Variants in ARMH3 observed in about 807,000 individuals in gnomAD.
ARMH3 encodes armadillo-like helical domain-containing protein 3.
ARMH3 carries 60 observed loss-of-function variants against 99.1 expected under a neutral mutation model. The observed-to-expected ratio is 0.61, with a 90% CI of 0.49 to 0.75. ARMH3 has a LOEUF of 0.75. ARMH3 is among the 30% of genes least tolerant of loss of function. ARMH3 has a pLI of 0.00. For synonymous variants in ARMH3, 285 were observed against 292.8 expected, an observed-to-expected ratio of 0.97 and a Z score of 0.27; for missense variants, 679 against 843.1, an observed-to-expected ratio of 0.81 and a Z score of 2.41.
rs979203994 is a variant in ARMH3, at chr10:101,847,232, G to A, written c.*296C>T. Reference sequence around the variant, plus strand: ...GAAAATTAGTCAGTAGCTACAGCTTGTAACCTCAAGATTGGAAATGTGAGG... The same window carrying A: ...GAAAATTAGTCAGTAGCTACAGCTTATAACCTCAAGATTGGAAATGTGAGG... On this transcript the variant is annotated 3_prime_UTR_variant, in exon 26 of 26. Coordinates refer to ENST00000370033, the MANE Select transcript of ARMH3 (RefSeq NM_024541.3). 2 of 333,900 alleles carry A rather than the reference G, an allele frequency of 6.0e-6. No individual in the cohort carries two copies. Among genetic ancestry groups the A allele is most frequent in the East Asian group, 6.3e-5 (1 of 15,760 alleles). 20.7% of individuals were successfully genotyped at this position (333,900 alleles called of 1,614,324 possible).
chr10:101,878,715 AT>A (rs1268713605), intron 24 of ARMH3, among the ~76,000 whole-genome samples: 1 of 151,786 alleles, frequency 6.6e-6, no homozygotes, highest in Non-Finnish European at 1.5e-5. Flanking sequence ...TAATTCCAGC[AT>A]TTTGAGAGGC....
chr10:101,885,290 A>G (rs2067513863), intron 24 of ARMH3, among the ~76,000 whole-genome samples: 1 of 152,262 alleles, frequency 6.6e-6, no homozygotes, highest in Admixed American at 6.5e-5. Flanking sequence ...GTATATACAC[A>G]AAAGAATTGA....
chr10:101,999,835 G>A (rs1234289597), intron 15 of ARMH3, among the ~76,000 whole-genome samples: 1 of 151,998 alleles, frequency 6.6e-6, no homozygotes, highest in Non-Finnish European at 1.5e-5. Context: ...CTGTAATCCC[G>A]GCACTTTGGG....
chr10:101,889,428 T>C lies in ARMH3; in HGVS notation c.1844A>G (p.Gln615Arg). Residue 615 changes from glutamine to arginine, a missense_variant, in exon 24 of 26, where the codon CAA becomes CGA. This residue lies in a region of ARMH3 where 389 missense variants were observed against 456.5 expected (regional missense o/e 0.85). Transcript: ENST00000370033. ...GTGGCTTACCTGCTCCTCTGACAGT[T>C]GGGATATGTGATTCACAGCAGCGTA... Reference protein sequence around the residue: ...ESYAAVNHISQLSEEQVLEVV... With the variant: ...ESYAAVNHISRLSEEQVLEVV... 6.2e-7 allele frequency: 1 copy of C among 1,613,812 alleles called. No homozygotes were observed. The highest frequency in any genetic ancestry group is 8.5e-7 in the Non-Finnish European group (1 of 1,179,690).
intron 1 of ARMH3, among the ~76,000 whole-genome samples, chr10:102,049,170 G>A (rs1314597141): frequency 2.0e-5 from 3 of 152,086 alleles, no homozygotes; most frequent in Admixed American, 2.0e-4. Context: ...CAAAAGACTG[G>A]CTCTAAGACA....
Position 102,009,421 on chromosome 10 carries a change from A to G in ARMH3, c.907T>C (p.Tyr303His), listed in dbSNP as rs769599658. 2 of 1,614,158 alleles carry G rather than the reference A, an allele frequency of 1.2e-6. No homozygotes were observed. The highest frequency in any genetic ancestry group is 1.7e-6 in the Non-Finnish European group (2 of 1,180,014). The part of the protein sequence containing the change: ...QTNEAILLAL[Y>H]EAVHLNRNFI... ...TTGCGATTTAAATGAACAGCTTCAT[A>G]AAGTGCCAGAAGAATGGCCTCATTG... The change falls in exon 13 of 26, where the codon TAT becomes CAT. Residue 303 changes from tyrosine (Y) to histidine (H), a missense_variant. By Grantham distance (83) the Tyr-to-His change is moderately conservative. Around this residue, in one of 3 missense-constraint regions of ARMH3, gnomAD observed 10 missense variants for 32.0 expected, o/e 0.31. Transcript: ENST00000370033.
At chr10:101,912,391 CAAAAAAAA>C (rs34173316) in intron 23 of ARMH3, among the ~76,000 whole-genome samples, 1 of 83,092 alleles carries the variant, frequency 1.2e-5, no homozygotes, top group Admixed American at 1.3e-4. Context: ...GACTCTGTCT[CAAAAAAAA>C]AAAAAAAAAA....
At chr10:102,011,037 G>A (rs573551349) in intron 11 of ARMH3, among the ~76,000 whole-genome samples, 4 of 152,240 alleles carry the variant, frequency 2.6e-5, no homozygotes, top group East Asian at 1.9e-4. Flanking sequence ...AATAATGCCC[G>A]AAAGACAGAC....
At chr10:101,876,846 CAGGATAAA>C (rs2067279131) in intron 24 of ARMH3, among the ~76,000 whole-genome samples, 1 of 152,000 alleles carries the variant, frequency 6.6e-6, no homozygotes, top group African/African-American at 2.4e-5. Context: ...ATCTAGTAAC[CAGGATAAA>C]AGATAATTCT....
At chr10:101,965,417 G>C (rs969931528) in intron 20 of ARMH3, among the ~76,000 whole-genome samples, 1 of 152,158 alleles carries the variant, frequency 6.6e-6, no homozygotes, top group Non-Finnish European at 1.5e-5. Context: ...CCATGAACTT[G>C]AGCAGGAATG....
intron 14 of ARMH3, among the ~76,000 whole-genome samples, chr10:102,002,947 C>T (rs1023403956): frequency 1.5e-4 from 21 of 144,452 alleles, no homozygotes; most frequent in Non-Finnish European, 2.4e-4. Context: ...GGTGACACAG[C>T]GAGACTCTGT....
Position 102,023,743 on chromosome 10 carries a change from C to A in ARMH3, c.514G>T (p.Asp172Tyr). ...AGAATAGTGTTCTGGCTGATGTTAT[C>A]TGTCACCTGAATGTAATAAAAGGCT... is the stretch of plus-strand genomic sequence containing the variant. Reference protein sequence around the residue: ...KLLLCLVTVTDNISQNTILEY... With the variant: ...KLLLCLVTVTYNISQNTILEY... Residue 172 changes from aspartate (D) to tyrosine (Y), a missense_variant, in exon 7 of 26, where the codon GAT becomes TAT. By Grantham distance (160) the Asp-to-Tyr change is radical. Around this residue, in one of 3 missense-constraint regions of ARMH3, gnomAD observed 280 missense variants for 354.6 expected, o/e 0.79. Transcript: ENST00000370033. The A allele has an allele frequency of 6.2e-7, 1 of 1,613,998 alleles. No individual in the cohort carries two copies. The highest frequency in any genetic ancestry group is 8.5e-7 in the Non-Finnish European group (1 of 1,179,894).
At chr10:101,976,404 TCTCTCTCTCA>T (rs1036945560) in intron 19 of ARMH3, among the ~76,000 whole-genome samples, 8 of 128,556 alleles carry the variant, frequency 6.2e-5, no homozygotes, top group South Asian at 2.5e-4. Context: ...TCTCTCTCTC[TCTCTCTCTCA>T]CACACACACA....
intron 19 of ARMH3, among the ~76,000 whole-genome samples, chr10:101,983,241 C>G (rs1846311128): frequency 1.3e-5 from 2 of 152,116 alleles, no homozygotes; most frequent in African/African-American, 4.8e-5. Flanking sequence ...AGAAGAGGGG[C>G]TGAAGGTTAA....
intron 20 of ARMH3, among the ~76,000 whole-genome samples, chr10:101,968,340 G>A (rs1489283063): frequency 6.6e-6 from 1 of 152,024 alleles, no homozygotes; most frequent in African/African-American, 2.4e-5. Flanking sequence ...AAGTCAATGA[G>A]ACCATGTCTC....
chr10:101,962,258 T>A (rs1377217880), intron 20 of ARMH3, among the ~76,000 whole-genome samples: 1 of 152,160 alleles, frequency 6.6e-6, no homozygotes, highest in Non-Finnish European at 1.5e-5. Context: ...GGGCCCATAC[T>A]CCACATCCCT....
chr10:101,998,115 T>C (rs1847144320), intron 15 of ARMH3, among the ~76,000 whole-genome samples: 1 of 152,224 alleles, frequency 6.6e-6, no homozygotes, highest in African/African-American at 2.4e-5. Flanking sequence ...GGATGGCAAG[T>C]GACCAAGACA....
At chr10:101,986,791 T>G (rs1317852753) in intron 19 of ARMH3, among the ~76,000 whole-genome samples, 1 of 151,846 alleles carries the variant, frequency 6.6e-6, no homozygotes, top group Non-Finnish European at 1.5e-5. Flanking sequence ...GAGCTAGAAG[T>G]GGGGGAAGGA....
chr10:101,919,853 G>A (rs757641805), intron 23 of ARMH3, among the ~76,000 whole-genome samples: 1 of 152,148 alleles, frequency 6.6e-6, no homozygotes, highest in East Asian at 1.9e-4. Flanking sequence ...CTGGCTTAAC[G>A]TAGATTCTTA....
Sources: gnomAD v4.1 joint callset for allele counts (sites outside exome capture counted in the v4.1 genomes callset) on GRCh38, gnomAD v4.1.1 for gene constraint, gnomAD v4.1.1 regional missense constraint, MANE v1.5 for transcripts, NCBI Gene and HGNC (gene_info 2026-07-23, HGNC 2026-07-21) for gene names.